The following ADCY7 variants were observed in gnomAD, a reference collection of about 807,000 sequenced individuals.
The protein encoded by ADCY7 is adenylate cyclase 7, also known as adenylate cyclase type 7.
ADCY7 carries 72 observed loss-of-function variants against 120.6 expected under a neutral mutation model. That is an observed-to-expected ratio of 0.60 (90% CI 0.49 to 0.73). ADCY7 has a LOEUF of 0.73. Among genes scored for constraint, ADCY7 ranks in the 30% least tolerant of loss-of-function variants. The pLI is 0.00. For missense variants in ADCY7, 1,227 were observed against 1,486.0 expected (o/e 0.83, Z 2.87); for synonymous variants, 661 against 628.0 (o/e 1.05, Z -0.78).
At chr16:50,258,210 T>G (rs1018532305) in intron 1 of ADCY7, among the ~76,000 whole-genome samples, 3 of 152,166 alleles carry the variant, frequency 2.0e-5, no homozygotes, top group African/African-American at 7.2e-5. Flanking sequence ...CACTCCAGCC[T>G]GGGTGACAGA....
intron 14 of ADCY7, 31 bp downstream of exon 14, chr16:50,305,880 G>C: frequency 6.2e-7 from 1 of 1,609,116 alleles, no homozygotes; most frequent in Non-Finnish European, 8.5e-7. Context: ...CCTCCGCAGA[G>C]GGACGGGGTC....
chr16:50,309,211 A>C (rs963294315), intron 17 of ADCY7: 3 of 338,796 alleles, frequency 8.9e-6, no homozygotes, highest in Non-Finnish European at 1.6e-5. Flanking sequence ...CCTCTCCCTC[A>C]CCTCTCTGCC....
intron 1 of ADCY7, among the ~76,000 whole-genome samples, chr16:50,251,770 C>A (rs2032763395): frequency 6.6e-6 from 1 of 152,178 alleles, no homozygotes; most frequent in South Asian, 2.1e-4. Context: ...CTGTCATTGT[C>A]CCCGCCTGGC....
At position 50,309,566 on chromosome 16, in the gene ADCY7, G is replaced by C. The variant is rs1231472002; in HGVS notation, c.2080G>C (p.Val694Leu). 1.2e-6 allele frequency: 2 copies of C among 1,613,844 alleles called. No individual in the cohort carries two copies. Among genetic ancestry groups the C allele is most frequent in the Non-Finnish European group, 8.5e-7 (1 of 1,180,000 alleles). Reference sequence around the variant, plus strand: ...TCTACAGCCCCTGATGCCTTTCCAAGTTCCAGAGCTGCCTGTTGGCAATGA... The same window carrying C: ...TCTACAGCCCCTGATGCCTTTCCAACTTCCAGAGCTGCCTGTTGGCAATGA... ...IINLPLMPFQ[V>L]PELPVGNETG... The change falls in exon 18 of 26, where the codon GTT (valine) becomes CTT (leucine). Residue 694 changes from valine (V) to leucine (L), a missense_variant. By Grantham distance (32) the Val-to-Leu change is conservative. Around this residue, in one of 5 missense-constraint regions of ADCY7, gnomAD observed 267 missense variants for 270.0 expected, o/e 0.99. Coordinates refer to ENST00000673801, the MANE Select transcript of ADCY7 (RefSeq NM_001114.5).
chr16:50,283,990 G>T (rs753651855), intron 1 of ADCY7, among the ~76,000 whole-genome samples: 1 of 152,212 alleles, frequency 6.6e-6, no homozygotes, highest in Non-Finnish European at 1.5e-5. Flanking sequence ...CATGGCAGAA[G>T]GATTCCTTTA....
Position 50,297,482 on chromosome 16 carries a change from CT to C in ADCY7, c.949-1419del. On this transcript the variant is annotated intron_variant, in intron 7 of 25. Coordinates refer to ENST00000673801, the MANE Select transcript of ADCY7 (RefSeq NM_001114.5). This position sits in a 1 kb window ranked among gnomAD's most constrained non-coding sequence, Gnocchi z 4.4. ...TATCCAGGTCTGCCAAGATTGCCTGCTTTCTAGGAAAGCCACTGTCCTCTTG... is the reference window on the plus strand; with the variant it reads ...TATCCAGGTCTGCCAAGATTGCCTGCTTCTAGGAAAGCCACTGTCCTCTTG... Among the ~76,000 whole-genome samples the C allele has an allele frequency of 6.6e-6, 1 of 152,336 alleles. No individual in the cohort carries two copies. Among genetic ancestry groups the C allele is most frequent in the South Asian group, 2.1e-4 (1 of 4,824 alleles).
At chr16:50,281,011 C>A (rs1373046339) in intron 1 of ADCY7, among the ~76,000 whole-genome samples, 2 of 152,056 alleles carry the variant, frequency 1.3e-5, no homozygotes, top group African/African-American at 2.4e-5. Flanking sequence ...GGGGCTCATG[C>A]CGTTGGGGAA....
At chr16:50,269,858 C>A (rs1265270496) in intron 1 of ADCY7, among the ~76,000 whole-genome samples, 1 of 152,108 alleles carries the variant, frequency 6.6e-6, no homozygotes, top group Non-Finnish European at 1.5e-5. Flanking sequence ...CCATTCTAGC[C>A]TTTCATGGGG....
chr16:50,262,784 G>A (rs76000203), upstream of ADCY7, among the ~76,000 whole-genome samples: 2,851 of 152,330 alleles, frequency 0.019, 92 homozygotes, highest in African/African-American at 0.065. Context: ...GGAAAGGATT[G>A]GGGTTGTGCT....
Position 50,311,676 on chromosome 16 carries a change from C to T in ADCY7, c.2355-17C>T, listed in dbSNP as rs1445709565. 6.3e-7 allele frequency: 1 copy of T among 1,593,444 alleles called. No individual in the cohort carries two copies. The highest frequency in any genetic ancestry group is 1.7e-5 in the Admixed American group (1 of 59,968). ...TGGTGAGTGCTGGGAGTGACTTGGG[C>T]CTCCCTTCGCATTCAGTGGCACCCC... On this transcript the variant is annotated splice_polypyrimidine_tract_variant and intron_variant, in intron 19 of 25. Coordinates refer to ENST00000673801, the MANE Select transcript of ADCY7 (RefSeq NM_001114.5).
In ADCY7 at chr16:50,309,608, G is replaced by T; in HGVS notation, c.2122G>T (p.Ala708Ser). 6.2e-7 allele frequency: 1 copy of T among 1,612,846 alleles called. No homozygotes were observed. Residue 708 changes from alanine (A) to serine (S), a missense_variant, in exon 18 of 26, where the codon GCG (alanine) becomes TCG (serine). Ala to Ser is a moderately conservative substitution (Grantham distance 99). This residue lies in a region of ADCY7 where 267 missense variants were observed against 270.0 expected (regional missense o/e 0.99). Coordinates refer to ENST00000673801, the MANE Select transcript of ADCY7 (RefSeq NM_001114.5). ...TGGCAATGAGACAGGCCTACTGGCC[G>T]CGAGCAGCAAGACAAGAGCCCTGTG... ...PVGNETGLLA[A>S]SSKTRALCEP... is the part of the protein sequence containing the mutation.
At chr16:50,276,459 G>A (rs2033898565) in intron 1 of ADCY7, among the ~76,000 whole-genome samples, 1 of 152,220 alleles carries the variant, frequency 6.6e-6, no homozygotes, top group African/African-American at 2.4e-5. Context: ...GGGTGGCTCA[G>A]TACACTGCTT....
At chr16:50,270,793 G>C (rs2033518723) in intron 1 of ADCY7, among the ~76,000 whole-genome samples, 1 of 152,210 alleles carries the variant, frequency 6.6e-6, no homozygotes, top group Non-Finnish European at 1.5e-5. Flanking sequence ...TAGGTTAATG[G>C]GAGGGCTAGC....
At chr16:50,248,406 G>A (rs1037977250) in intron 1 of ADCY7, among the ~76,000 whole-genome samples, 5 of 152,332 alleles carry the variant, frequency 3.3e-5, no homozygotes, top group Non-Finnish European at 7.3e-5. Flanking sequence ...CCTGTGTCTG[G>A]GCAGGAGGCA....
chr16:50,290,961 A>G (rs1289722110), intron 3 of ADCY7, among the ~76,000 whole-genome samples: 3 of 152,208 alleles, frequency 2.0e-5, no homozygotes, highest in African/African-American at 7.2e-5. Flanking sequence ...CCAAGGGGTC[A>G]GTGCTGGGCT....
rs2036891649 is a variant in ADCY7, at chr16:50,317,986, G to C, written c.*2481G>C. ...AGGTCAGTGTAAAGAAATATGATTT[G>C]AGGTGGTGCATGCAAGTAACTAGGG... On this transcript the variant is annotated 3_prime_UTR_variant, in exon 26 of 26. Transcript: ENST00000673801. 6.6e-6 allele frequency: 1 copy of C among 152,318 alleles called. No homozygotes were observed. Among genetic ancestry groups the C allele is most frequent in the South Asian group, 2.1e-4 (1 of 4,828 alleles). 9.4% of individuals were successfully genotyped at this position (152,318 alleles called of 1,614,324 possible).
intron 1 of ADCY7, among the ~76,000 whole-genome samples, chr16:50,261,276 G>A (rs2033050439): frequency 6.6e-6 from 1 of 152,230 alleles, no homozygotes; most frequent in Non-Finnish European, 1.5e-5. Context: ...GGGCACTGGG[G>A]AAGGCTTCCT....
At chr16:50,290,349 T>C in intron 2 of ADCY7, 108 bp from the exon 3 acceptor site, 1 of 1,229,862 alleles carries the variant, frequency 8.1e-7, no homozygotes, top group Non-Finnish European at 1.2e-6. Flanking sequence ...TCCACACCCT[T>C]CACGTGGAGG....
chr16:50,256,163 T>C (rs1012857623), intron 1 of ADCY7, among the ~76,000 whole-genome samples: 7 of 152,062 alleles, frequency 4.6e-5, no homozygotes, highest in African/African-American at 1.7e-4. Flanking sequence ...GGAGAAAATA[T>C]TTGCAAGCCA....
Sources: gnomAD v4.1 joint callset for allele counts (sites outside exome capture counted in the v4.1 genomes callset) on GRCh38, gnomAD v4.1.1 for gene constraint, gnomAD v4.1.1 regional missense constraint, Gnocchi (gnomAD v3.1) non-coding constraint, MANE v1.5 for transcripts, NCBI Gene and HGNC (gene_info 2026-07-23, HGNC 2026-07-21) for gene names.